Variants in ADGRD1 observed in about 807,000 individuals in gnomAD.
The protein encoded by ADGRD1 is G-protein coupled receptor 133.
In ADGRD1, 77 loss-of-function variants were observed where a neutral mutation model predicts 113.4. The observed-to-expected ratio is 0.68, with a 90% CI of 0.57 to 0.82. ADGRD1 has a LOEUF of 0.82. Among genes scored for constraint, ADGRD1 ranks in the 40% least tolerant of loss-of-function variants. ADGRD1 has a pLI of 0.00. For missense variants in ADGRD1, 1,036 were observed against 1,139.1 expected (o/e 0.91, Z 1.30); for synonymous variants, 474 against 475.0 (o/e 1.00, Z 0.03).
At position 131,084,721 on chromosome 12, in the gene ADGRD1, T is replaced by G. The variant is rs988906925; in HGVS notation, c.1671+58T>G. ...GGGGGACGTACCATGAGGCTGCAGGTGGGGGCGGGAGGATGCTTTGCCCGC... is the reference window on the plus strand; with the variant it reads ...GGGGGACGTACCATGAGGCTGCAGGGGGGGGCGGGAGGATGCTTTGCCCGC... On this transcript the variant is annotated intron_variant, in intron 15 of 24. Coordinates refer to ENST00000261654, the MANE Select transcript of ADGRD1 (RefSeq NM_198827.5). This position sits in a 1 kb window ranked among gnomAD's most constrained non-coding sequence, Gnocchi z 4.5. 6 of 1,572,550 alleles carry G rather than the reference T, an allele frequency of 3.8e-6. No homozygotes were observed. The highest frequency in any genetic ancestry group is 1.7e-4 in the Middle Eastern group (1 of 5,758).
chr12:130,995,896 C>G (rs1014763202), intron 8 of ADGRD1, among the ~76,000 whole-genome samples: 3 of 152,114 alleles, frequency 2.0e-5, no homozygotes, highest in African/African-American at 7.2e-5. Context: ...ACAAAGGTCT[C>G]TGGTTTTCCT....
At chr12:131,019,387 C>T (rs543873382) in intron 13 of ADGRD1, among the ~76,000 whole-genome samples, 2 of 152,150 alleles carry the variant, frequency 1.3e-5, no homozygotes, top group African/African-American at 2.4e-5. Flanking sequence ...CACCCTGGGA[C>T]GCCAGGGGTT....
At chr12:130,973,952 A>G (rs1378248688) in intron 4 of ADGRD1, among the ~76,000 whole-genome samples, 1 of 152,170 alleles carries the variant, frequency 6.6e-6, no homozygotes, top group Non-Finnish European at 1.5e-5. Context: ...GAAAGGAAAC[A>G]AAGTCAGGAA....
chr12:131,079,304 G>A (rs1885888422), intron 14 of ADGRD1, among the ~76,000 whole-genome samples: 1 of 152,172 alleles, frequency 6.6e-6, no homozygotes, highest in Non-Finnish European at 1.5e-5. Context: ...GGATCATTAT[G>A]ATTAAAGCTG....
intron 10 of ADGRD1, 136 bp from the exon 11 acceptor site, chr12:131,004,050 C>A (rs1418457422): frequency 2.9e-5 from 13 of 456,042 alleles, no homozygotes; most frequent in Non-Finnish European, 3.9e-5. Context: ...TGAGGCCATG[C>A]TTTCTAAAGG....
chr12:131,004,181 C>T lies in ADGRD1; in HGVS notation c.1145-5C>T, dbSNP rs768437407. ...ACTTCCGCTCTCTCGCTCCTTCCACCGCAGAGTTTTCCGTGGCCAAAATCC... is the reference window on the plus strand; with the variant it reads ...ACTTCCGCTCTCTCGCTCCTTCCACTGCAGAGTTTTCCGTGGCCAAAATCC... On this transcript the variant is annotated splice_region_variant and splice_polypyrimidine_tract_variant and intron_variant, in intron 10 of 24. Transcript: ENST00000261654. The T allele has an allele frequency of 1.1e-5, 17 of 1,594,796 alleles. No individual in the cohort carries two copies. The highest frequency in any genetic ancestry group is 8.1e-5 in the African/African-American group (6 of 74,494).
rs1871293222 is a variant in ADGRD1 at position 130,968,819 on chromosome 12, T to A, written c.187+2273T>A. On this transcript the variant is annotated intron_variant, in intron 3 of 24. Transcript: ENST00000261654. ...TGCTGACCAAAGTAAACAAGGGTGG[T>A]GGAGGCTGGGGGATGTGAGGTCCGA... The A allele has an allele frequency of 1.2e-5, 7 of 602,258 alleles. No individual in the cohort carries two copies. The South Asian group carries it at 1.4e-4, about 12-fold the overall frequency. The allele number at this position is 602,258 out of a possible 1,614,324, so 37.3% of individuals were successfully genotyped here. A position where few individuals can be genotyped will look rare whatever the true frequency, so the allele number is the denominator to read the frequency against.
chr12:131,122,291 C>T (rs895269248), intron 20 of ADGRD1, among the ~76,000 whole-genome samples: 1 of 152,102 alleles, frequency 6.6e-6, no homozygotes, highest in Non-Finnish European at 1.5e-5. Context: ...CAGAGCCTCC[C>T]TCACAGCGTC....
In ADGRD1 at chr12:131,050,646, C is replaced by A. The variant is rs150384885; in HGVS notation, c.1474-26155C>A. Among the ~76,000 whole-genome samples the A allele has an allele frequency of 4.4e-3, 664 of 152,088 alleles. 4 individuals carry two copies. The highest frequency in any genetic ancestry group is 0.016 in the African/African-American group (649 of 41,482). On this transcript the variant is annotated intron_variant, in intron 13 of 24. Transcript: ENST00000261654. The surrounding 1 kb of genome is among the most constrained non-coding windows in gnomAD (Gnocchi z 4.8). ...TTTTAAGCGACCAGATCCACGAGAA[C>A]GCATGATCGTGGGGACAGTGCCAAG...
chr12:130,998,385 A>G (rs1025086018), intron 8 of ADGRD1, among the ~76,000 whole-genome samples: 1 of 152,214 alleles, frequency 6.6e-6, no homozygotes, highest in Non-Finnish European at 1.5e-5. Context: ...CCAAAACCCC[A>G]GTGATCTCTG....
At chr12:131,029,845 C>T (rs2464294) in intron 13 of ADGRD1, among the ~76,000 whole-genome samples, 3,948 of 6,808 alleles carry the variant, frequency 0.58, 1,760 homozygotes, top group Middle Eastern at 1. Context: ...GATTAGGTTG[C>T]GGACCCCTCG....
intron 13 of ADGRD1, among the ~76,000 whole-genome samples, chr12:131,021,729 A>G (rs1340276380): frequency 3.3e-5 from 5 of 151,840 alleles, no homozygotes; most frequent in Non-Finnish European, 5.9e-5. Context: ...TTTTTTTGAG[A>G]CAGAGTCTCT....
At chr12:130,983,204 T>C (rs901734556) in intron 5 of ADGRD1, among the ~76,000 whole-genome samples, 1 of 152,080 alleles carries the variant, frequency 6.6e-6, no homozygotes, top group African/African-American at 2.4e-5. Context: ...GAGAACTAAG[T>C]GGGCTGCTAG....
chr12:131,011,766 G>A (rs1331182332), intron 12 of ADGRD1, among the ~76,000 whole-genome samples: 1 of 152,252 alleles, frequency 6.6e-6, no homozygotes, highest in East Asian at 1.9e-4. Flanking sequence ...CGCGTTTGGT[G>A]GAATTGCACA....
At chr12:131,020,770 G>C (rs76917318) in intron 13 of ADGRD1, among the ~76,000 whole-genome samples, 1,896 of 152,316 alleles carry the variant, frequency 0.012, 31 homozygotes, top group African/African-American at 0.044. Flanking sequence ...CCTCAAACTA[G>C]GCCCTCCTCT....
intron 20 of ADGRD1, among the ~76,000 whole-genome samples, chr12:131,121,727 A>G (rs1314733151): frequency 6.6e-6 from 1 of 152,178 alleles, no homozygotes; most frequent in Non-Finnish European, 1.5e-5. Flanking sequence ...TTCCTGAGTC[A>G]GGACCATCTG....
chr12:130,993,059 C>T (rs1293351701), intron 8 of ADGRD1, among the ~76,000 whole-genome samples: 2 of 152,114 alleles, frequency 1.3e-5, no homozygotes, highest in African/African-American at 2.4e-5. Context: ...CTGCACTGAC[C>T]TTTGATCTGC....
chr12:130,980,487 T>A (rs1171957523), intron 4 of ADGRD1, among the ~76,000 whole-genome samples: 1 of 151,786 alleles, frequency 6.6e-6, no homozygotes, highest in Non-Finnish European at 1.5e-5. Context: ...AACCTCTGCC[T>A]CCGTGGTTCA....
intron 13 of ADGRD1, among the ~76,000 whole-genome samples, chr12:131,066,875 C>T (rs990658920): frequency 1.1e-4 from 17 of 152,266 alleles, no homozygotes; most frequent in Admixed American, 5.2e-4. Flanking sequence ...TCAGGGGCTA[C>T]GGGCAGATCT....
Sources: gnomAD v4.1 joint callset for allele counts (sites outside exome capture counted in the v4.1 genomes callset) on GRCh38, gnomAD v4.1.1 for gene constraint, Gnocchi (gnomAD v3.1) non-coding constraint, MANE v1.5 for transcripts, NCBI Gene and HGNC (gene_info 2026-07-23, HGNC 2026-07-21) for gene names.